Variants in SETX observed in about 807,000 individuals in gnomAD.
SETX encodes the protein helicase senataxin.
A neutral mutation model predicts 227.2 loss-of-function variants in SETX; 90 were observed. The ratio of observed to expected loss-of-function variants is 0.40; its 90% CI spans 0.33 to 0.47. SETX has a LOEUF of 0.47. SETX is among the 20% of genes least tolerant of loss of function. The probability of loss-of-function intolerance (pLI) is 0.91; values close to 1 mark genes in which losing one functional copy is unlikely to be tolerated. For synonymous variants in SETX, 1,210 were observed against 1,113.2 expected (o/e 1.09, Z -1.73); for missense variants, 3,052 against 3,181.5 (o/e 0.96, Z 0.98).
chr9:132,315,790 G>A (rs1393899481), intron 10 of SETX, among the ~76,000 whole-genome samples: 3 of 152,140 alleles, frequency 2.0e-5, no homozygotes, highest in Non-Finnish European at 4.4e-5. Flanking sequence ...GGTTCGTGAT[G>A]CAGTGTCAGG....
At chr9:132,284,264 T>C (rs960924755) in intron 18 of SETX, among the ~76,000 whole-genome samples, 2 of 152,206 alleles carry the variant, frequency 1.3e-5, no homozygotes, top group African/African-American at 4.8e-5. Context: ...GCAAAAAACA[T>C]CTGTGAAGAT....
chr9:132,325,521 A>C (rs941766734), intron 10 of SETX, among the ~76,000 whole-genome samples: 6 of 152,166 alleles, frequency 3.9e-5, no homozygotes, highest in East Asian at 1.9e-4. Context: ...CACATGGGAA[A>C]CTATCTCCTC....
At chr9:132,269,916 T>C (rs935839196) in intron 24 of SETX, among the ~76,000 whole-genome samples, 4 of 125,348 alleles carry the variant, frequency 3.2e-5, no homozygotes, top group Admixed American at 1.5e-4. Flanking sequence ...AGCATCCTCA[T>C]GTGAGACACA....
At chr9:132,311,194 T>A (rs1273723066) in intron 11 of SETX, among the ~76,000 whole-genome samples, 2 of 152,176 alleles carry the variant, frequency 1.3e-5, no homozygotes, top group African/African-American at 4.8e-5. Context: ...CTCGATCTCT[T>A]GACCTGGTGA....
rs149546633 is a variant in SETX at position 132,328,617 on chromosome 9, T to C, written c.2981A>G (p.Asp994Gly). Residue 994 changes from aspartate (D) to glycine (G), a missense_variant, in exon 10 of 26, where the codon GAT becomes GGT. Coordinates refer to ENST00000224140, the MANE Select transcript of SETX (RefSeq NM_015046.7). ...TTGGTTAGCTGTGAAACATCTTTTA[T>C]CTTCTTTTACTTTCCTTTGCAGCTG... ...SSQLQRKVKE[D>G]KRCFTANQNN... 601 of 1,613,646 alleles carry C rather than the reference T, an allele frequency of 3.7e-4. 3 individuals carry two copies. In the African/African-American group the frequency reaches 7.0e-3, roughly 19 times the overall value.
chr9:132,303,022 G>T (rs376516829), intron 11 of SETX, among the ~76,000 whole-genome samples: 66 of 152,050 alleles, frequency 4.3e-4, no homozygotes, highest in African/African-American at 1.5e-3. Context: ...CATTGTTTTT[G>T]ATTTATTTTT....
intron 2 of SETX, among the ~76,000 whole-genome samples, chr9:132,351,723 G>A (rs1387875140): frequency 6.6e-6 from 1 of 152,170 alleles, no homozygotes; most frequent in African/African-American, 2.4e-5. Context: ...TTGTCTTTAA[G>A]GAGAAAATTA....
At chr9:132,286,056 G>A (rs1242550244) in intron 18 of SETX, among the ~76,000 whole-genome samples, 4 of 145,258 alleles carry the variant, frequency 2.8e-5, no homozygotes, top group Admixed American at 1.4e-4. Context: ...GGTGGCACAC[G>A]CCTGTAATCC....
chr9:132,327,346 G>C lies in SETX; in HGVS notation c.4252C>G (p.Pro1418Ala), dbSNP rs747356601. The C allele has an allele frequency of 6.8e-6, 11 of 1,614,046 alleles. No individual in the cohort carries two copies. The African/African-American group carries it at 1.5e-4, about 22-fold the overall frequency. Residue 1418 changes from proline to alanine, a missense_variant, in exon 10 of 26, where the codon CCT becomes GCT. By Grantham distance (27) the Pro-to-Ala change is conservative. Around this residue, in one of 10 missense-constraint regions of SETX, gnomAD observed 1,483 missense variants for 1,312.0 expected, o/e 1.13. Coordinates refer to ENST00000224140, the MANE Select transcript of SETX (RefSeq NM_015046.7). ...GCTTTTATGGTTTCTGGTTCAGAAGGCATGCATTTTATTAACTGTTTTCTG... is the reference window on the plus strand; with the variant it reads ...GCTTTTATGGTTTCTGGTTCAGAAGCCATGCATTTTATTAACTGTTTTCTG... ...SNRKQLIKCM[P>A]SEPETIKAKH...
Position 132,329,357 on chromosome 9 carries a change from C to T in SETX, c.2241G>A (p.Leu747=). 3 of 1,613,990 alleles carry T rather than the reference C, an allele frequency of 1.9e-6. No homozygotes were observed. Among genetic ancestry groups the T allele is most frequent in the Non-Finnish European group, 2.5e-6 (3 of 1,179,954 alleles). Residue 747 remains leucine, a synonymous_variant, in exon 10 of 26, where the codon TTG becomes TTA. Transcript: ENST00000224140. ...DRGIIVSTRL[L]TDSSTDALEK... is the part of the protein sequence containing the mutation. ...CCAAAGCATCAGTGCTAGAATCAGTCAACAAACGTGTTGATACTATTATTC... is the reference window on the plus strand; with the variant it reads ...CCAAAGCATCAGTGCTAGAATCAGTTAACAAACGTGTTGATACTATTATTC...
chr9:132,327,223 A>C lies in SETX; in HGVS notation c.4375T>G (p.Ser1459Ala), dbSNP rs768109602. 6.2e-7 allele frequency: 1 copy of C among 1,614,206 alleles called. No homozygotes were observed. Among genetic ancestry groups the C allele is most frequent in the Non-Finnish European group, 8.5e-7 (1 of 1,180,036 alleles). The change falls in exon 10 of 26, where the codon TCC becomes GCC. Residue 1459 changes from serine to alanine, a missense_variant. By Grantham distance (99) the Ser-to-Ala change is moderately conservative (BLOSUM62 1). Transcript: ENST00000224140. ...GTVPTNEVIV[S>A]TSEDPLGGGD... ...CCACCCAGAGGGTCTTCTGAAGTGGAGACAATTACTTCATTTGTTGGTACT... is the reference window on the plus strand; with the variant it reads ...CCACCCAGAGGGTCTTCTGAAGTGGCGACAATTACTTCATTTGTTGGTACT...
intron 11 of SETX, among the ~76,000 whole-genome samples, chr9:132,310,355 T>C (rs911687772): frequency 6.6e-6 from 1 of 152,230 alleles, no homozygotes; most frequent in Non-Finnish European, 1.5e-5. Context: ...TTTACTGAAG[T>C]TGAACTTATA....
Position 132,298,118 on chromosome 9 carries a change from A to C in SETX, c.5743T>G (p.Cys1915Gly). The change falls in exon 13 of 26, where the codon TGT becomes GGT. Residue 1915 changes from cysteine to glycine, a missense_variant. By Grantham distance (159) the Cys-to-Gly change is radical. Coordinates refer to ENST00000224140, the MANE Select transcript of SETX (RefSeq NM_015046.7). ...AVLNPNPMDF[C>G]TKDLLTTTSE... ...GTTGTAGTCAGTAAATCTTTTGTAC[A>C]GAAGTCCATAGGGTTTGGATTCAGA... 6.2e-7 allele frequency: 1 copy of C among 1,614,136 alleles called. No homozygotes were observed. Among genetic ancestry groups the C allele is most frequent in the Non-Finnish European group, 8.5e-7 (1 of 1,179,982 alleles).
At chr9:132,269,918 T>A (rs1052998488) in intron 24 of SETX, among the ~76,000 whole-genome samples, 13 of 124,066 alleles carry the variant, frequency 1.0e-4, no homozygotes, top group Admixed American at 3.1e-4. Context: ...CATCCTCATG[T>A]GAGACACAGG....
chr9:132,356,653 G>T (rs1848927734), upstream of SETX, among the ~76,000 whole-genome samples: 1 of 152,128 alleles, frequency 6.6e-6, no homozygotes, highest in African/African-American at 2.4e-5. Context: ...GGGAAAAGTG[G>T]GTCAGATACA....
In SETX at chr9:132,336,347, G is replaced by C. The variant is rs774068411; in HGVS notation, c.667C>G (p.Leu223Val). The change falls in exon 6 of 26, where the codon CTT (leucine) becomes GTT (valine). Residue 223 changes from leucine (L) to valine (V), a missense_variant. Physicochemically the swap from Leu to Val is conservative, Grantham distance 32. Coordinates refer to ENST00000224140, the MANE Select transcript of SETX (RefSeq NM_015046.7). ...GTATCATACATGTGTGAGGGCAGAA[G>C]AATCAGTTTACCCTTCTCTAGGACA... ...SSVLEKGKLI[L>V]LPSHMYDTTN... The C allele has an allele frequency of 1.4e-5, 23 of 1,614,062 alleles. No homozygotes were observed. Among genetic ancestry groups the C allele is most frequent in the Non-Finnish European group, 1.5e-5 (18 of 1,179,954 alleles).
chr9:132,326,042 C>T (rs1002671887), intron 10 of SETX, among the ~76,000 whole-genome samples: 5 of 150,754 alleles, frequency 3.3e-5, no homozygotes, highest in African/African-American at 1.2e-4. Flanking sequence ...TAAATCGAAA[C>T]GGTCAATTTT....
chr9:132,327,012 ACTGTAT>A lies in SETX; in HGVS notation c.4580_4585del (p.Asp1527_Thr1528del), dbSNP rs1457204437. The A allele has an allele frequency of 2.5e-6, 4 of 1,614,218 alleles. No homozygotes were observed. Among genetic ancestry groups the A allele is most frequent in the Non-Finnish European group, 3.4e-6 (4 of 1,180,030 alleles). On this transcript the variant is annotated inframe_deletion, in exon 10 of 26. Coordinates refer to ENST00000224140, the MANE Select transcript of SETX (RefSeq NM_015046.7). The stretch of plus-strand genomic sequence containing the variant: ...ACTTACAGAATCTTCTTCAACCTCA[ACTGTAT>A]CTTTTCCATGAATTAGTTCAATGAG...
intron 13 of SETX, 126 bp from the exon 14 acceptor site, chr9:132,297,180 G>T: frequency 1.4e-6 from 1 of 691,708 alleles, no homozygotes; most frequent in Non-Finnish European, 2.2e-6. Context: ...GTTATGGTCA[G>T]ACAAGACAAG....
Sources: allele counts gnomAD v4.1 joint callset (sites outside exome capture counted in the v4.1 genomes callset), GRCh38; gene constraint gnomAD v4.1.1; regional missense constraint gnomAD v4.1.1; transcripts MANE v1.5; gene names NCBI Gene and HGNC (gene_info 2026-07-23, HGNC 2026-07-21).